The following INPP5E variants were observed in gnomAD, a reference collection of about 807,000 sequenced individuals.
INPP5E encodes inositol polyphosphate-5-phosphatase E.
In INPP5E, 34 loss-of-function variants were observed where a neutral mutation model predicts 50.5. That is an observed-to-expected ratio of 0.67 (90% CI 0.51 to 0.90). INPP5E has a LOEUF of 0.90. INPP5E is among the 40% of genes least tolerant of loss of function. The pLI is 0.00. For missense variants in INPP5E, 942 were observed against 905.5 expected (o/e 1.04, Z -0.52); for synonymous variants, 447 against 406.0 (o/e 1.10, Z -1.21).
intron 6 of INPP5E, among the ~76,000 whole-genome samples, chr9:136,432,244 G>A (rs948292651): frequency 5.3e-5 from 8 of 152,198 alleles, no homozygotes; most frequent in African/African-American, 1.2e-4. Flanking sequence ...GCGGCGGGGC[G>A]GGCAGTGGCG....
chr9:136,432,308 C>G (rs963991301), intron 6 of INPP5E, among the ~76,000 whole-genome samples, 171 bp downstream of exon 6: 2 of 152,222 alleles, frequency 1.3e-5, no homozygotes, highest in Admixed American at 1.3e-4. Flanking sequence ...TCCGCCCACC[C>G]CACTAACCGT....
intron 9 of INPP5E, 61 bp from the exon 10 acceptor site, chr9:136,429,868 G>C: frequency 7.4e-7 from 1 of 1,349,008 alleles, no homozygotes; most frequent in South Asian, 1.2e-5. Context: ...GGCGTTAGGA[G>C]GGGGCCGGCC....
chr9:136,433,262 C>G lies in INPP5E; in HGVS notation c.1052G>C (p.Arg351Pro), dbSNP rs775094328. The change falls in exon 4 of 10, where the codon CGT becomes CCT. Residue 351 changes from arginine to proline, a missense_variant. Coordinates refer to ENST00000371712, the MANE Select transcript of INPP5E (RefSeq NM_019892.6). ...GTGCGGGCCCAGCGTCTCCTGCAGA[C>G]GAGTCTCCCACTCCCGCCTGCAGAG... is the stretch of plus-strand genomic sequence containing the variant. ...GCSDRREWETRLQETLGPHYV... is the reference protein window; with the variant it reads ...GCSDRREWETPLQETLGPHYV... 2 of 1,585,762 alleles carry G rather than the reference C, an allele frequency of 1.3e-6. No homozygotes were observed. Among genetic ancestry groups the G allele is most frequent in the Non-Finnish European group, 1.7e-6 (2 of 1,173,390 alleles).
In INPP5E at chr9:136,431,963, A is replaced by G. The variant is rs138552060; in HGVS notation, c.1410T>C (p.Asp470=). 29 of 1,612,098 alleles carry G rather than the reference A, an allele frequency of 1.8e-5. 1 individual carries two copies. The Admixed American group carries it at 2.2e-4, about 12-fold the overall frequency. ...SSAADVTTRF[D]EVFWFGDFNF... is the part of the protein sequence containing the mutation. ...TGAAGTCTCCAAACCAGAACACCTCATCGAAGCGGGTGGTGACGTCCGCTG... is the reference window on the plus strand; with the variant it reads ...TGAAGTCTCCAAACCAGAACACCTCGTCGAAGCGGGTGGTGACGTCCGCTG... Residue 470 remains aspartate (D), a synonymous_variant, in exon 7 of 10, where the codon GAT becomes GAC. Transcript: ENST00000371712.
Position 136,430,360 on chromosome 9 carries a change from G to A in INPP5E, c.1719C>T (p.Tyr573=). The change falls in exon 9 of 10, where the codon TAC becomes TAT. Residue 573 remains tyrosine (Y), a synonymous_variant. Coordinates refer to ENST00000371712, the MANE Select transcript of INPP5E (RefSeq NM_019892.6). ...RHKGDICPVS[Y]SSCPGIKTSD... ...ACGTCTTGATCCCGGGGCAGGAAGA[G>A]TAGCTCACAGGACAGATGTCACCCT... is the stretch of plus-strand genomic sequence containing the variant. The A allele has an allele frequency of 3.2e-6, 5 of 1,555,714 alleles. No homozygotes were observed. In the South Asian group the frequency reaches 5.9e-5, roughly 18 times the overall value.
rs760923526 is a variant in INPP5E at position 136,439,162 on chromosome 9, C to A, written c.258G>T (p.Leu86=). The A allele has an allele frequency of 4.5e-6, 7 of 1,568,688 alleles. No individual in the cohort carries two copies. In the East Asian group the frequency reaches 1.4e-4, roughly 31 times the overall value. ...ARPRLERALS[L]DDKGWRRRRF... ...GCCTCCTCCTCCAGCCCTTGTCGTCCAGGGACAGGGCTCGCTCCAGTCGAG... is the reference window on the plus strand; with the variant it reads ...GCCTCCTCCTCCAGCCCTTGTCGTCAAGGGACAGGGCTCGCTCCAGTCGAG... Residue 86 remains leucine (L), a synonymous_variant, in exon 1 of 10, where the codon CTG becomes CTT. Transcript: ENST00000371712.
chr9:136,439,465 C>A lies in INPP5E; in HGVS notation c.-46G>T. The A allele has an allele frequency of 7.3e-7, 1 of 1,371,016 alleles. No homozygotes were observed. Among genetic ancestry groups the A allele is most frequent in the Non-Finnish European group, 9.5e-7 (1 of 1,050,264 alleles). 84.9% of individuals were successfully genotyped at this position (1,371,016 alleles called of 1,614,324 possible). On this transcript the variant is annotated 5_prime_UTR_variant, in exon 1 of 10. Transcript: ENST00000371712. The stretch of plus-strand genomic sequence containing the variant: ...GGCCTCGGCGCGAGGCCGCAGGCAG[C>A]GCGAGGGGTCACGGGTGCCGGGTCC...
In INPP5E at chr9:136,429,850, GAGGAGGGGGCGTT is replaced by G. The variant is rs1445358935; in HGVS notation, c.1803-56_1803-44del. 8.2e-6 allele frequency: 13 copies of G among 1,589,882 alleles called. No homozygotes were observed. The East Asian group carries it at 8.9e-5, about 11-fold the overall frequency. ...GCGTTAGGAGGGCACCCAGGGCCAG[GAGGAGGGGGCGTT>G]AGGAGGGGGCCGGCCCCGGAGGAGG... On this transcript the variant is annotated intron_variant, in intron 9 of 9. Transcript: ENST00000371712.
At chr9:136,438,305 G>T in intron 1 of INPP5E, 1 of 526,154 alleles carries the variant, frequency 1.9e-6, no homozygotes, top group East Asian at 3.3e-5. Flanking sequence ...CGTATACATT[G>T]ACGACATTTC....
chr9:136,432,132 A>G, intron 6 of INPP5E, 147 bp from the exon 7 acceptor site: 2 of 988,750 alleles, frequency 2.0e-6, no homozygotes, highest in Non-Finnish European at 3.1e-6. Flanking sequence ...TGGGATTCGC[A>G]CTGGGACAGT....
In INPP5E at chr9:136,433,083, AG is replaced by A. The variant is rs756109971; in HGVS notation, c.1160-9del. ...CCGTGGAGCACTCCACCTCTGTGGG[AG>A]GGGCAGCCCTCAGCTCACCTGTGGG... is the stretch of plus-strand genomic sequence containing the variant. On this transcript the variant is annotated splice_polypyrimidine_tract_variant and intron_variant, in intron 4 of 9. Coordinates refer to ENST00000371712, the MANE Select transcript of INPP5E (RefSeq NM_019892.6). 1 of 1,608,860 alleles carries A rather than the reference AG, an allele frequency of 6.2e-7. No individual in the cohort carries two copies. Among genetic ancestry groups the A allele is most frequent in the Non-Finnish European group, 8.5e-7 (1 of 1,179,356 alleles).
chr9:136,432,047 C>T lies in INPP5E; in HGVS notation c.1388-62G>A, dbSNP rs942308018. ...GGGACGGCAGGTCCTTCCCCTTCCCCAGAACATGGCCTGGGAGTGGCTCTC... is the reference window on the plus strand; with the variant it reads ...GGGACGGCAGGTCCTTCCCCTTCCCTAGAACATGGCCTGGGAGTGGCTCTC... On this transcript the variant is annotated intron_variant, in intron 6 of 9. Transcript: ENST00000371712. The T allele has an allele frequency of 1.2e-5, 19 of 1,601,102 alleles. No homozygotes were observed. In the East Asian group the frequency reaches 4.3e-4, roughly 36 times the overall value.
Position 136,431,086 on chromosome 9 carries a change from G to A in INPP5E, c.1581C>T (p.Asp527=). The A allele has an allele frequency of 1.2e-6, 2 of 1,613,132 alleles. No homozygotes were observed. Among genetic ancestry groups the A allele is most frequent in the African/African-American group, 1.3e-5 (1 of 74,820 alleles). Residue 527 remains aspartate, a synonymous_variant, in exon 8 of 10, where the codon GAC becomes GAT. Transcript: ENST00000371712. ...GSIFKGFQEP[D]IHFLPSYKFD... is the part of the protein sequence containing the mutation. The stretch of plus-strand genomic sequence containing the variant: ...ACTTGTATGATGGGAGGAAGTGGAT[G>A]TCCGGCTCCTGGAAGCCCTTGAAGA...
chr9:136,438,883 C>T lies in INPP5E; in HGVS notation c.537G>A (p.Ala179=), dbSNP rs1835909758. ...PNLPHRDAAV[A]GSSPRLPSLL... The stretch of plus-strand genomic sequence containing the variant: ...GGCTGGGCAGCCTGGGCGAGCTCCC[C>T]GCCACGGCGGCGTCTCTGTGCGGGA... The change falls in exon 1 of 10, where the codon GCG becomes GCA. Residue 179 remains alanine (A), a synonymous_variant. Coordinates refer to ENST00000371712, the MANE Select transcript of INPP5E (RefSeq NM_019892.6). The T allele has an allele frequency of 3.1e-6, 5 of 1,587,306 alleles. No individual in the cohort carries two copies. The East Asian group carries it at 1.1e-4, about 36-fold the overall frequency.
rs558778286 is a variant in INPP5E at position 136,433,044 on chromosome 9, G to T, written c.1191C>A (p.Ile397=). 11 of 1,613,524 alleles carry T rather than the reference G, an allele frequency of 6.8e-6. No individual in the cohort carries two copies. The highest frequency in any genetic ancestry group is 4.0e-5 in the African/African-American group (3 of 74,918). The change falls in exon 5 of 10, where the codon ATC becomes ATA. Residue 397 remains isoleucine (I), a synonymous_variant. Transcript: ENST00000371712. The part of the protein sequence containing the change: ...EVECSTVTTR[I]VSQIKTKGAL... Reference sequence around the variant, plus strand: ...CCCCCTTGGTCTTGATCTGAGACACGATGCGTGTGGTCACCGTGGAGCACT... The same window carrying T: ...CCCCCTTGGTCTTGATCTGAGACACTATGCGTGTGGTCACCGTGGAGCACT...
Position 136,434,085 on chromosome 9 carries a change from T to A in INPP5E, c.986A>T (p.Tyr329Phe), listed in dbSNP as rs372066816. ...DEFLLPAEADYAQDLYVIGVQ... is the reference protein window; with the variant it reads ...DEFLLPAEADFAQDLYVIGVQ... Reference sequence around the variant, plus strand: ...CCCGATGACATACAGGTCCTGGGCATAGTCGGCCTCGGCTGGGAGCAGGAA... The same window carrying A: ...CCCGATGACATACAGGTCCTGGGCAAAGTCGGCCTCGGCTGGGAGCAGGAA... The change falls in exon 3 of 10, where the codon TAT becomes TTT. Residue 329 changes from tyrosine (Y) to phenylalanine (F), a missense_variant. By Grantham distance (22) the Tyr-to-Phe change is conservative. Coordinates refer to ENST00000371712, the MANE Select transcript of INPP5E (RefSeq NM_019892.6). The A allele has an allele frequency of 5.6e-6, 9 of 1,611,248 alleles. 1 individual carries two copies. The South Asian group carries it at 8.8e-5, about 16-fold the overall frequency.
At position 136,429,735 on chromosome 9, in the gene INPP5E, C is replaced by G. The variant is rs148539728; in HGVS notation, c.1875G>C (p.Glu625Asp). Residue 625 changes from glutamate to aspartate, a missense_variant, in exon 10 of 10, where the codon GAG becomes GAC. By Grantham distance (45) the Glu-to-Asp change is conservative. Coordinates refer to ENST00000371712, the MANE Select transcript of INPP5E (RefSeq NM_019892.6). ...TCTGTAGTGCTTGCTGCCTCTGAATCTCCTTCGAAATCCGTCTTTTAATTC... is the reference window on the plus strand; with the variant it reads ...TCTGTAGTGCTTGCTGCCTCTGAATGTCCTTCGAAATCCGTCTTTTAATTC... ...LLGIKRRISKEIQRQQALQSQ... is the reference protein window; with the variant it reads ...LLGIKRRISKDIQRQQALQSQ... 1 of 1,614,022 alleles carries G rather than the reference C, an allele frequency of 6.2e-7. No individual in the cohort carries two copies. The highest frequency in any genetic ancestry group is 2.2e-5 in the East Asian group (1 of 44,882).
rs1379287891 is a variant in INPP5E, at chr9:136,428,785, G to C, written c.*890C>G. 1 of 152,540 alleles carries C rather than the reference G, an allele frequency of 6.6e-6. No individual in the cohort carries two copies. The highest frequency in any genetic ancestry group is 1.5e-5 in the Non-Finnish European group (1 of 68,046). 9.4% of individuals were successfully genotyped at this position (152,540 alleles called of 1,614,324 possible). A position where few individuals can be genotyped will look rare whatever the true frequency, so the allele number is the denominator to read the frequency against. On this transcript the variant is annotated 3_prime_UTR_variant, in exon 10 of 10. Coordinates refer to ENST00000371712, the MANE Select transcript of INPP5E (RefSeq NM_019892.6). ...GAACGGTTCTATACTCTCGAAGAAA[G>C]AAACCCGGGACATGGTGGGGATCCC...
At chr9:136,435,303 C>T (rs1157630385) in intron 1 of INPP5E, among the ~76,000 whole-genome samples, 2 of 152,158 alleles carry the variant, frequency 1.3e-5, no homozygotes, top group African/African-American at 4.8e-5. Flanking sequence ...GGAAACGCGT[C>T]CATCTCCTCG....
Sources: allele counts gnomAD v4.1 joint callset (sites outside exome capture counted in the v4.1 genomes callset), GRCh38; gene constraint gnomAD v4.1.1; transcripts MANE v1.5; gene names NCBI Gene and HGNC (gene_info 2026-07-23, HGNC 2026-07-21).